The following SCHIP1 variants were observed in gnomAD, a reference collection of about 807,000 sequenced individuals.
The protein encoded by SCHIP1 is schwannomin-interacting protein 1.
A neutral mutation model predicts 29.7 loss-of-function variants in SCHIP1; 8 were observed. That is an observed-to-expected ratio of 0.27 (90% CI 0.16 to 0.49). The LOEUF is 0.49. SCHIP1 is among the 20% of genes least tolerant of loss of function. SCHIP1 has a pLI of 0.99. For synonymous variants in SCHIP1, 76 were observed against 94.9 expected (o/e 0.80, Z 1.16); for missense variants, 193 against 294.6 (o/e 0.66, Z 2.52).
chr3:159,484,812 T>G, the SCHIP1 span, among the ~76,000 whole-genome samples: 1 of 152,190 alleles, frequency 6.6e-6, no homozygotes, highest in Non-Finnish European at 1.5e-5. Flanking sequence ...CCCATCATTG[T>G]TTTCTGTCTG....
At chr3:159,617,473 T>C in the SCHIP1 span, among the ~76,000 whole-genome samples, 6 of 152,162 alleles carry the variant, frequency 3.9e-5, no homozygotes, top group South Asian at 2.1e-4. Flanking sequence ...CCAGGAAAGA[T>C]TGACCACCAG....
At chr3:159,810,894 A>G in the SCHIP1 span, among the ~76,000 whole-genome samples, 318 of 152,358 alleles carry the variant, frequency 2.1e-3, no homozygotes, top group East Asian at 0.03. Flanking sequence ...CTGTTTTCCA[A>G]AGTAAGCACA....
chr3:159,467,687 T>C, the SCHIP1 span, among the ~76,000 whole-genome samples: 4,135 of 152,170 alleles, frequency 0.027, 185 homozygotes, highest in African/African-American at 0.095. Flanking sequence ...AATGATCAAA[T>C]TGAGGTGTTT....
At chr3:159,511,391 G>A in the SCHIP1 span, among the ~76,000 whole-genome samples, 1 of 152,196 alleles carries the variant, frequency 6.6e-6, no homozygotes, top group African/African-American at 2.4e-5. Flanking sequence ...CTAGGAAAGG[G>A]AACTCCCTGA....
the SCHIP1 span, chr3:159,721,537 T>A: frequency 5.7e-6 from 1 of 176,594 alleles, no homozygotes; most frequent in East Asian, 1.8e-4. Flanking sequence ...TGCCTGTTCG[T>A]CTTCTTGAAC....
At chr3:159,880,461 T>C (rs145352265) in intron 2 of SCHIP1, among the ~76,000 whole-genome samples, 30 of 152,360 alleles carry the variant, frequency 2.0e-4, no homozygotes, top group African/African-American at 7.0e-4. Flanking sequence ...TTTCTATTTA[T>C]ACATTGTGAC....
At chr3:159,692,679 C>T in the SCHIP1 span, among the ~76,000 whole-genome samples, 2 of 152,124 alleles carry the variant, frequency 1.3e-5, no homozygotes, top group African/African-American at 4.8e-5. Flanking sequence ...TCTTTTAAAA[C>T]TCAAAGGTAA....
the SCHIP1 span, among the ~76,000 whole-genome samples, chr3:159,565,925 G>C: frequency 6.6e-6 from 1 of 152,016 alleles, no homozygotes; most frequent in East Asian, 1.9e-4. Context: ...ATTCACAGTA[G>C]GATAATCACT....
chr3:159,703,122 A>G, the SCHIP1 span, among the ~76,000 whole-genome samples: 1 of 152,194 alleles, frequency 6.6e-6, no homozygotes, highest in Non-Finnish European at 1.5e-5. Context: ...AATTCAGCCG[A>G]GTGATTAGAA....
At chr3:159,572,354 A>G in the SCHIP1 span, among the ~76,000 whole-genome samples, 1 of 152,140 alleles carries the variant, frequency 6.6e-6, no homozygotes, top group East Asian at 1.9e-4. Context: ...GAACATCTTT[A>G]TTTCTGCCTT....
At chr3:159,711,629 C>G in the SCHIP1 span, among the ~76,000 whole-genome samples, 3 of 152,068 alleles carry the variant, frequency 2.0e-5, no homozygotes, top group Admixed American at 2.0e-4. Flanking sequence ...TTGCTCATAA[C>G]CAGCCTATTG....
intron 6 of SCHIP1, chr3:159,894,407 T>A (rs1717857738): frequency 6.6e-6 from 1 of 152,242 alleles, no homozygotes; most frequent in African/African-American, 2.4e-5. Flanking sequence ...GGTCATTCCA[T>A]GCTGGCATGT....
chr3:159,367,203 A>T, the SCHIP1 span, among the ~76,000 whole-genome samples: 1 of 152,000 alleles, frequency 6.6e-6, no homozygotes, highest in Non-Finnish European at 1.5e-5. Context: ...GACCAGCCTG[A>T]CCAACGTGGA....
chr3:159,770,505 C>CA, the SCHIP1 span, among the ~76,000 whole-genome samples: 1 of 152,128 alleles, frequency 6.6e-6, no homozygotes, highest in Non-Finnish European at 1.5e-5. Flanking sequence ...GTAATCCGCC[C>CA]ACCTTCGCCT....
chr3:159,846,766 G>A (rs992088771), intron 1 of SCHIP1, among the ~76,000 whole-genome samples: 2 of 151,896 alleles, frequency 1.3e-5, no homozygotes, highest in African/African-American at 4.8e-5. Context: ...TCATTGTTTT[G>A]CCTGTTTAAA....
At chr3:159,529,818 A>G in the SCHIP1 span, among the ~76,000 whole-genome samples, 1 of 152,036 alleles carries the variant, frequency 6.6e-6, no homozygotes, top group South Asian at 2.1e-4. Flanking sequence ...CATGAGATCA[A>G]CTGTTTTAGA....
the SCHIP1 span, among the ~76,000 whole-genome samples, chr3:159,485,762 A>G: frequency 2.2e-4 from 33 of 152,302 alleles, 1 homozygote; most frequent in African/African-American, 7.7e-4. Flanking sequence ...TAATTTCTAT[A>G]AAGTTCCTAA....
At chr3:159,285,908 C>T in the SCHIP1 span, among the ~76,000 whole-genome samples, 3 of 152,018 alleles carry the variant, frequency 2.0e-5, no homozygotes, top group African/African-American at 4.8e-5. Context: ...TCTCATTATT[C>T]TCCTTTTCAC....
At chr3:159,279,043 A>G in the SCHIP1 span, among the ~76,000 whole-genome samples, 1 of 152,294 alleles carries the variant, frequency 6.6e-6, no homozygotes, top group South Asian at 2.1e-4. Flanking sequence ...AGAGGCACAC[A>G]TCACTCAACT....
Sources: allele counts gnomAD v4.1 joint callset (sites outside exome capture counted in the v4.1 genomes callset), GRCh38; gene constraint gnomAD v4.1.1; transcripts MANE v1.5; gene names NCBI Gene and HGNC (gene_info 2026-07-23, HGNC 2026-07-21).